The following PPP1R1C variants were observed in gnomAD, a reference collection of about 807,000 sequenced individuals.
PPP1R1C encodes protein phosphatase 1 regulatory inhibitor subunit 1C.
A neutral mutation model predicts 17.4 loss-of-function variants in PPP1R1C; 15 were observed. The ratio of observed to expected loss-of-function variants is 0.86; its 90% CI spans 0.58 to 1.33. The LOEUF (loss-of-function observed/expected upper bound fraction) is 1.33, where lower values mean the gene tolerates loss of function less well. Among genes scored for constraint, PPP1R1C ranks in the 40% most tolerant of loss-of-function variants. PPP1R1C has a pLI of 0.00. For missense variants in PPP1R1C, 143 were observed against 130.0 expected (o/e 1.10, Z -0.48); for synonymous variants, 35 against 43.1 (o/e 0.81, Z 0.73).
downstream of PPP1R1C, among the ~76,000 whole-genome samples, chr2:182,122,664 A>G (rs1433423935): frequency 3.3e-5 from 5 of 152,166 alleles, no homozygotes. Context: ...GAAAGATAAA[A>G]TGGCATGATG....
intron 4 of PPP1R1C, among the ~76,000 whole-genome samples, chr2:182,067,823 G>A (rs1302836206): frequency 6.6e-6 from 1 of 152,164 alleles, no homozygotes; most frequent in African/African-American, 2.4e-5. Flanking sequence ...ACAGGGGGAA[G>A]TTCATGTAAG....
chr2:182,098,833 ATAT>A (rs935126273), intron 4 of PPP1R1C, among the ~76,000 whole-genome samples: 3 of 152,198 alleles, frequency 2.0e-5, no homozygotes, highest in Non-Finnish European at 4.4e-5. Context: ...AGCTATCTAA[ATAT>A]TATGATCTAA....
chr2:181,969,714 ACC>A, intron 1 of PPP1R1C, among the ~76,000 whole-genome samples: 1 of 152,076 alleles, frequency 6.6e-6, no homozygotes, highest in East Asian at 1.9e-4. Flanking sequence ...CTCTCTCTCT[ACC>A]TTGCCTTACA....
At chr2:182,025,174 AATT>A (rs533389640) in intron 2 of PPP1R1C, among the ~76,000 whole-genome samples, 3,615 of 147,542 alleles carry the variant, frequency 0.025, 107 homozygotes, top group African/African-American at 0.078. Flanking sequence ...AAGTAAATAA[AATT>A]ATTATTATTA....
chr2:182,122,373 T>C (rs1689754673), downstream of PPP1R1C, among the ~76,000 whole-genome samples: 1 of 152,168 alleles, frequency 6.6e-6, no homozygotes, highest in South Asian at 2.1e-4. Context: ...TAATGTGTAT[T>C]AGAAGAAATA....
intron 2 of PPP1R1C, among the ~76,000 whole-genome samples, chr2:182,060,572 A>G (rs1687821016): frequency 6.6e-6 from 1 of 152,124 alleles, no homozygotes; most frequent in Non-Finnish European, 1.5e-5. Context: ...TCCTTTATTA[A>G]ATAAAAATAC....
chr2:182,092,842 C>T (rs1481537636), intron 4 of PPP1R1C, among the ~76,000 whole-genome samples: 2 of 152,186 alleles, frequency 1.3e-5, no homozygotes, highest in Admixed American at 6.5e-5. Flanking sequence ...TGTGGCTTTG[C>T]AGGGTACAGC....
At chr2:182,065,238 A>G (rs1559078587) in intron 4 of PPP1R1C, among the ~76,000 whole-genome samples, 1 of 152,134 alleles carries the variant, frequency 6.6e-6, no homozygotes, top group African/African-American at 2.4e-5. Context: ...AGAGGATATC[A>G]GGGTATTACT....
At chr2:182,062,272 A>G (rs1687872604) in intron 3 of PPP1R1C, among the ~76,000 whole-genome samples, 1 of 152,138 alleles carries the variant, frequency 6.6e-6, no homozygotes, top group African/African-American at 2.4e-5. Flanking sequence ...GTAAAAGTGG[A>G]AAAGCTTTCA....
intron 2 of PPP1R1C, among the ~76,000 whole-genome samples, chr2:182,036,196 G>T (rs1316218171): frequency 6.6e-6 from 1 of 152,142 alleles, no homozygotes; most frequent in East Asian, 1.9e-4. Context: ...ACTCTATTTA[G>T]ATAGTTTCTC....
chr2:182,033,646 C>T (rs1686912561), intron 2 of PPP1R1C, among the ~76,000 whole-genome samples: 1 of 152,176 alleles, frequency 6.6e-6, no homozygotes. Flanking sequence ...ATAACCTTGT[C>T]TCACTCCTTG....
At chr2:182,084,052 A>C (rs1688557277) in intron 4 of PPP1R1C, among the ~76,000 whole-genome samples, 1 of 152,066 alleles carries the variant, frequency 6.6e-6, no homozygotes, top group Non-Finnish European at 1.5e-5. Context: ...TTGGTCATTT[A>C]TGTATATCTT....
intron 4 of PPP1R1C, among the ~76,000 whole-genome samples, chr2:182,107,526 G>A (rs1267334629): frequency 6.6e-6 from 1 of 152,074 alleles, no homozygotes; most frequent in Non-Finnish European, 1.5e-5. Context: ...AAATTAACAA[G>A]GTTTTACAAG....
chr2:182,041,489 C>A (rs1196141), intron 2 of PPP1R1C, among the ~76,000 whole-genome samples: 15,486 of 151,470 alleles, frequency 0.1, 1,942 homozygotes, highest in African/African-American at 0.27. Flanking sequence ...GCTGCCTGTA[C>A]TCCCAGCTAC....
intron 4 of PPP1R1C, chr2:182,103,582 A>G (rs1156790341): frequency 6.6e-6 from 1 of 152,216 alleles, no homozygotes; most frequent in Non-Finnish European, 1.5e-5. Flanking sequence ...ACAAATTGCT[A>G]TTATTTAAAA....
chr2:182,015,143 C>T (rs1296675566), intron 2 of PPP1R1C, among the ~76,000 whole-genome samples: 3 of 152,128 alleles, frequency 2.0e-5, no homozygotes, highest in Non-Finnish European at 4.4e-5. Context: ...GGCTGTATCC[C>T]CACCCAAATC....
intron 4 of PPP1R1C, among the ~76,000 whole-genome samples, chr2:182,081,163 G>A (rs1688463942): frequency 1.3e-5 from 2 of 152,168 alleles, no homozygotes; most frequent in African/African-American, 4.8e-5. Context: ...GAAGAATTTG[G>A]TTTCTACATC....
intron 1 of PPP1R1C, among the ~76,000 whole-genome samples, chr2:181,968,448 A>G (rs1471064950): frequency 6.6e-6 from 1 of 151,666 alleles, no homozygotes; most frequent in African/African-American, 2.4e-5. Context: ...TTATATAATG[A>G]CCTTTTTGTC....
intron 1 of PPP1R1C, among the ~76,000 whole-genome samples, chr2:181,971,944 G>A (rs1685017741): frequency 1.3e-5 from 2 of 152,204 alleles, no homozygotes; most frequent in African/African-American, 4.8e-5. Context: ...GCTGGGGGAT[G>A]GAGAAGGGAT....
Sources: gnomAD v4.1 joint callset for allele counts (sites outside exome capture counted in the v4.1 genomes callset) on GRCh38, gnomAD v4.1.1 for gene constraint, MANE v1.5 for transcripts, NCBI Gene and HGNC (gene_info 2026-07-23, HGNC 2026-07-21) for gene names.